The following PTPRG variants were observed in gnomAD, a reference collection of about 807,000 sequenced individuals.
PTPRG encodes protein tyrosine phosphatase receptor type G.
In PTPRG, 102 loss-of-function variants were observed where a neutral mutation model predicts 165.3. That is an observed-to-expected ratio of 0.62 (90% CI 0.53 to 0.73). The LOEUF (loss-of-function observed/expected upper bound fraction) is 0.73. Ranked by LOEUF, PTPRG falls within the 30% of genes least tolerant of loss-of-function variation. The pLI, the probability that PTPRG is intolerant of heterozygous loss-of-function variation, is 0.00. For synonymous variants in PTPRG, 675 were observed against 669.5 expected (o/e 1.01, Z -0.13); for missense variants, 1,866 against 1,861.4 (o/e 1.00, Z -0.05).
chr3:61,823,602 T>C (rs941000369), intron 2 of PTPRG, among the ~76,000 whole-genome samples: 5 of 152,232 alleles, frequency 3.3e-5, no homozygotes, highest in African/African-American at 1.2e-4. Flanking sequence ...TAGATGTTAA[T>C]GTAACAAAAG....
chr3:62,153,145 C>T (rs1467534486), intron 6 of PTPRG, among the ~76,000 whole-genome samples: 3 of 152,162 alleles, frequency 2.0e-5, no homozygotes, highest in Non-Finnish European at 2.9e-5. Context: ...GCCTGCAAAG[C>T]CTAAAATATT....
At chr3:62,061,012 C>T (rs9311836) in intron 4 of PTPRG, among the ~76,000 whole-genome samples, 99,702 of 152,070 alleles carry the variant, frequency 0.66, 34,034 homozygotes, top group South Asian at 0.86. Flanking sequence ...TGTCAATGAA[C>T]GTGTCTGTAT....
In PTPRG at chr3:62,171,023, C is replaced by T. The variant is rs2366689; in HGVS notation, c.1033+2860C>T. Reference sequence around the variant, plus strand: ...TAAATTGCATAAAGTTAGAATCATTCAGTATGTCCTCTTTTGTGTCTTGCT... The same window carrying T: ...TAAATTGCATAAAGTTAGAATCATTTAGTATGTCCTCTTTTGTGTCTTGCT... On this transcript the variant is annotated intron_variant, in intron 8 of 29. Transcript: ENST00000474889. 7.2e-3 allele frequency among the ~76,000 whole-genome samples: 1,101 copies of T among 152,246 alleles called. 7 individuals carry two copies. The highest frequency in any genetic ancestry group is 0.034 in the Middle Eastern group (10 of 294).
At chr3:61,604,434 G>A (rs1203766696) in intron 1 of PTPRG, among the ~76,000 whole-genome samples, 1 of 152,206 alleles carries the variant, frequency 6.6e-6, no homozygotes, top group Non-Finnish European at 1.5e-5. Context: ...GTTGCCTATT[G>A]TGACATCTGG....
chr3:61,868,903 T>A (rs1461725993), intron 2 of PTPRG, among the ~76,000 whole-genome samples: 1 of 147,028 alleles, frequency 6.8e-6, no homozygotes, highest in Non-Finnish European at 1.5e-5. Context: ...TTCAGAAGGG[T>A]GTTTTTTTTT....
At chr3:61,821,102 A>G (rs2035940885) in intron 2 of PTPRG, among the ~76,000 whole-genome samples, 1 of 152,080 alleles carries the variant, frequency 6.6e-6, no homozygotes, top group Admixed American at 6.5e-5. Flanking sequence ...AACTTTTTCA[A>G]TAATAAAAAC....
intron 2 of PTPRG, among the ~76,000 whole-genome samples, chr3:61,881,180 C>A (rs147356913): frequency 6.6e-6 from 1 of 152,098 alleles, no homozygotes; most frequent in African/African-American, 2.4e-5. Flanking sequence ...AAGGGGCTTG[C>A]TCTCTAAAAA....
At chr3:61,612,406 A>G (rs11717044) in intron 1 of PTPRG, among the ~76,000 whole-genome samples, 31,418 of 152,146 alleles carry the variant, frequency 0.21, 3,886 homozygotes, top group African/African-American at 0.33. Flanking sequence ...CTCTTGGATG[A>G]CCTTTGCCTA....
At chr3:61,989,272 G>A (rs1006625918) in intron 2 of PTPRG, among the ~76,000 whole-genome samples, 9 of 152,174 alleles carry the variant, frequency 5.9e-5, no homozygotes, top group East Asian at 1.9e-4. Flanking sequence ...ATGCTAACTC[G>A]ATCAAGGTGC....
chr3:61,871,156 T>TTA, intron 2 of PTPRG, among the ~76,000 whole-genome samples: 2 of 131,160 alleles, frequency 1.5e-5, no homozygotes, highest in South Asian at 2.5e-4. Flanking sequence ...TTGTGTTGTG[T>TTA]TGTGTTGTGT....
intron 4 of PTPRG, among the ~76,000 whole-genome samples, chr3:62,021,426 C>G (rs767762898): frequency 2.0e-5 from 3 of 152,168 alleles, no homozygotes; most frequent in Non-Finnish European, 4.4e-5. Flanking sequence ...CAACATTAGT[C>G]AGAACATCTG....
At chr3:61,926,337 G>A (rs998496641) in intron 2 of PTPRG, among the ~76,000 whole-genome samples, 3 of 151,996 alleles carry the variant, frequency 2.0e-5, no homozygotes, top group Non-Finnish European at 4.4e-5. Context: ...TGCTGTTCTT[G>A]TGACAGTGAG....
At chr3:61,766,640 A>G (rs1015909400) in intron 2 of PTPRG, among the ~76,000 whole-genome samples, 12 of 151,056 alleles carry the variant, frequency 7.9e-5, no homozygotes, top group African/African-American at 2.9e-4. Flanking sequence ...TTCGTTTAAG[A>G]CAGTCTCACC....
intron 4 of PTPRG, among the ~76,000 whole-genome samples, chr3:62,024,219 T>C (rs1226137800): frequency 1.3e-5 from 2 of 152,212 alleles, no homozygotes; most frequent in African/African-American, 4.8e-5. Flanking sequence ...ATTTTCTAGA[T>C]GTTCACTTCC....
At chr3:62,157,416 G>A (rs547314467) in intron 7 of PTPRG, among the ~76,000 whole-genome samples, 192 bp downstream of exon 7, 2 of 152,268 alleles carry the variant, frequency 1.3e-5, no homozygotes, top group South Asian at 4.1e-4. Context: ...TTTCTTAGCC[G>A]CAAATGAAAT....
chr3:62,280,338 G>A (rs1702387300), intron 26 of PTPRG, among the ~76,000 whole-genome samples: 1 of 151,830 alleles, frequency 6.6e-6, no homozygotes, highest in African/African-American at 2.4e-5. Flanking sequence ...ATCTCCTCAG[G>A]GTTAATATAC....
chr3:61,689,109 T>C (rs144852967), intron 1 of PTPRG, among the ~76,000 whole-genome samples: 5 of 152,348 alleles, frequency 3.3e-5, no homozygotes, highest in East Asian at 1.9e-4. Context: ...CTCTGGACTT[T>C]ATGCTCTAGG....
chr3:61,957,123 T>C (rs1220541327), intron 2 of PTPRG, among the ~76,000 whole-genome samples: 3 of 152,232 alleles, frequency 2.0e-5, no homozygotes, highest in Admixed American at 6.5e-5. Context: ...TAAAGCCATG[T>C]ATGTTTAACT....
At chr3:61,648,565 G>C (rs149354441) in intron 1 of PTPRG, among the ~76,000 whole-genome samples, 121 of 152,370 alleles carry the variant, frequency 7.9e-4, no homozygotes, top group African/African-American at 2.8e-3. Context: ...TTTGTTGGCA[G>C]CTAAATGCAG....
Sources: allele counts gnomAD v4.1 joint callset (sites outside exome capture counted in the v4.1 genomes callset), GRCh38; gene constraint gnomAD v4.1.1; transcripts MANE v1.5; gene names NCBI Gene and HGNC (gene_info 2026-07-23, HGNC 2026-07-21).